Variants in ESR1 observed in about 807,000 individuals in gnomAD.
ESR1 encodes the protein estrogen receptor 1.
A neutral mutation model predicts 52.7 loss-of-function variants in ESR1; 12 were observed. The observed-to-expected ratio is 0.23, with a 90% confidence interval of 0.15 to 0.37. ESR1 has a LOEUF of 0.37. Among genes scored for constraint, ESR1 ranks in the 10% least tolerant of loss-of-function variants. The pLI, the probability that ESR1 is intolerant of heterozygous loss-of-function variation, is 1.00. For synonymous variants in ESR1, 305 were observed against 316.8 expected, an observed-to-expected ratio of 0.96 and a Z score of 0.39; for missense variants, 584 against 779.7, an observed-to-expected ratio of 0.75 and a Z score of 2.99.
chr6:151,703,865 T>C (rs546699761), intron 2 of ESR1, among the ~76,000 whole-genome samples: 116 of 152,252 alleles, frequency 7.6e-4, no homozygotes, highest in African/African-American at 2.6e-3. Flanking sequence ...TCCAGAAAGG[T>C]CTAAGGTGCT....
intron 1 of ESR1, among the ~76,000 whole-genome samples, chr6:151,682,609 A>G (rs1778502046): frequency 6.6e-6 from 1 of 152,248 alleles, no homozygotes; most frequent in Non-Finnish European, 1.5e-5. Flanking sequence ...GAAAACTAAT[A>G]GGCAATATTT....
intron 6 of ESR1, among the ~76,000 whole-genome samples, chr6:152,089,047 C>G (rs1034681416): frequency 2.0e-5 from 3 of 151,966 alleles, no homozygotes; most frequent in African/African-American, 7.3e-5. Flanking sequence ...CTTAACAAGG[C>G]CTTGGAGATG....
chr6:152,052,054 A>G (rs976685834), intron 5 of ESR1, among the ~76,000 whole-genome samples: 3 of 152,194 alleles, frequency 2.0e-5, no homozygotes, highest in Non-Finnish European at 4.4e-5. Context: ...TACAAGAAGC[A>G]TGGCGCCAGC....
At chr6:151,707,274 A>G (rs190041720) in intron 2 of ESR1, among the ~76,000 whole-genome samples, 2 of 152,320 alleles carry the variant, frequency 1.3e-5, no homozygotes, top group Non-Finnish European at 2.9e-5. Flanking sequence ...TATTCTCATC[A>G]GCTATAGATA....
At chr6:151,837,179 C>A (rs1783490923) in intron 1 of ESR1, among the ~76,000 whole-genome samples, 1 of 147,360 alleles carries the variant, frequency 6.8e-6, no homozygotes, top group South Asian at 2.1e-4. Context: ...AGGCTCACTG[C>A]AACCTCTGCC....
chr6:152,045,888 T>C (rs1007665333), intron 5 of ESR1, among the ~76,000 whole-genome samples: 7 of 152,226 alleles, frequency 4.6e-5, no homozygotes, highest in African/African-American at 9.7e-5. Flanking sequence ...GTCTACAAAA[T>C]GTTAATTCTG....
chr6:151,973,872 C>T (rs1435443175), intron 4 of ESR1, among the ~76,000 whole-genome samples: 2 of 152,136 alleles, frequency 1.3e-5, no homozygotes, highest in African/African-American at 4.8e-5. Flanking sequence ...TCCTGTTATT[C>T]TTGTTACTTC....
intron 2 of ESR1, among the ~76,000 whole-genome samples, chr6:151,712,910 G>A (rs1328054704): frequency 6.6e-6 from 1 of 152,076 alleles, no homozygotes; most frequent in Non-Finnish European, 1.5e-5. Flanking sequence ...ATCCTTGTCT[G>A]GTGCTGGTTT....
At chr6:151,896,328 G>T (rs1354944719) in intron 3 of ESR1, among the ~76,000 whole-genome samples, 1 of 152,066 alleles carries the variant, frequency 6.6e-6, no homozygotes, top group African/African-American at 2.4e-5. Flanking sequence ...TTTTTGTGTT[G>T]TTGGTAATTT....
intron 5 of ESR1, among the ~76,000 whole-genome samples, chr6:152,050,072 T>C (rs1440950479): frequency 6.6e-6 from 1 of 152,216 alleles, no homozygotes; most frequent in Non-Finnish European, 1.5e-5. Flanking sequence ...CTTTCATAGA[T>C]TCCTTTATGT....
chr6:151,977,776 C>G (rs891213663), intron 4 of ESR1, among the ~76,000 whole-genome samples: 6 of 151,674 alleles, frequency 4.0e-5, no homozygotes, highest in Non-Finnish European at 8.8e-5. Context: ...GCCTGGGCAA[C>G]AGAGTGAGAC....
rs1252680592 is a variant in ESR1, at chr6:152,100,779, A to G, written c.*1813A>G. Reference sequence around the variant, plus strand: ...ACTGAGAATCTGGGAGGGCAAAAAAAAAAAAAAAGTTTTTATGTGCACTTA... The same window carrying G: ...ACTGAGAATCTGGGAGGGCAAAAAAGAAAAAAAAGTTTTTATGTGCACTTA... On this transcript the variant is annotated 3_prime_UTR_variant, in exon 8 of 8. Coordinates refer to ENST00000206249, the MANE Select transcript of ESR1 (RefSeq NM_000125.4). The G allele has an allele frequency of 4.3e-6, 1 of 230,704 alleles. No homozygotes were observed. Among genetic ancestry groups the G allele is most frequent in the East Asian group, 6.2e-5 (1 of 16,072 alleles). The allele number at this position is 230,704 out of a possible 1,614,324, so 14.3% of individuals were successfully genotyped here. A position where few individuals can be genotyped will look rare whatever the true frequency, so the allele number is the denominator to read the frequency against.
chr6:151,899,344 G>A lies in ESR1; in HGVS notation c.760+18573G>A, dbSNP rs921174853. On this transcript the variant is annotated intron_variant, in intron 3 of 7. Transcript: ENST00000206249. ...TCCCGGACGGGGCGGCTGGCCAGGC[G>A]GGGGGCTGACCCCCCCACCTCCTTC... 3.5e-4 allele frequency among the ~76,000 whole-genome samples: 39 copies of A among 111,856 alleles called. 1 individual carries two copies. The highest frequency in any genetic ancestry group is 3.1e-3 in the South Asian group (11 of 3,552). The allele number at this position is 111,856 out of a possible 152,430, so 73.4% of individuals were successfully genotyped here.
intron 6 of ESR1, among the ~76,000 whole-genome samples, chr6:152,067,345 G>A (rs987823579): frequency 1.6e-4 from 24 of 152,262 alleles, no homozygotes; most frequent in African/African-American, 4.6e-4. Flanking sequence ...GTCGAAAGAC[G>A]GGAAATCCTT....
chr6:152,029,056 T>C (rs1364092299), intron 5 of ESR1, among the ~76,000 whole-genome samples: 4 of 152,134 alleles, frequency 2.6e-5, no homozygotes, highest in Non-Finnish European at 5.9e-5. Context: ...TCCAGCAAAC[T>C]CTGACAGACC....
rs78965164 is a variant in ESR1, at chr6:151,749,618, A to G, written c.-71+47613A>G. Among the ~76,000 whole-genome samples the G allele has an allele frequency of 3.3e-5, 5 of 152,294 alleles. No individual in the cohort carries two copies. In the East Asian group the frequency reaches 9.6e-4, roughly 29 times the overall value. ...ATGGAAATTGTACACATTACTTCTGAAAATACACTGGCAAGCCACTTCTAG... is the reference window on the plus strand; with the variant it reads ...ATGGAAATTGTACACATTACTTCTGGAAATACACTGGCAAGCCACTTCTAG... On this transcript the variant is annotated intron_variant, in intron 2 of 2. Transcript: ENST00000404742.
chr6:151,901,587 G>A (rs2128408590), intron 3 of ESR1, among the ~76,000 whole-genome samples: 1 of 152,286 alleles, frequency 6.6e-6, no homozygotes, highest in South Asian at 2.1e-4. Flanking sequence ...GCTTATTAGG[G>A]GACCCAGAGA....
intron 3 of ESR1, among the ~76,000 whole-genome samples, chr6:151,941,544 A>C (rs1018098223): frequency 2.8e-5 from 4 of 142,988 alleles, no homozygotes; most frequent in African/African-American, 1.0e-4. Context: ...TTGCTCTTAC[A>C]TTTTTTTTTT....
chr6:151,929,950 C>T (rs938431885), intron 3 of ESR1, among the ~76,000 whole-genome samples: 3 of 150,698 alleles, frequency 2.0e-5, no homozygotes, highest in Non-Finnish European at 4.4e-5. Context: ...TATGTCATAC[C>T]ATTTTATCTT....
Sources: gnomAD v4.1 joint callset for allele counts (sites outside exome capture counted in the v4.1 genomes callset) on GRCh38, gnomAD v4.1.1 for gene constraint, MANE v1.5 for transcripts, NCBI Gene and HGNC (gene_info 2026-07-23, HGNC 2026-07-21) for gene names.